The following ARID1B variants were observed in gnomAD, a reference collection of about 807,000 sequenced individuals.
The protein encoded by ARID1B is AT-rich interactive domain-containing protein 1B.
In ARID1B, 30 loss-of-function variants were observed where a neutral mutation model predicts 212.3. That is an observed-to-expected ratio of 0.14 (90% CI 0.11 to 0.19). The LOEUF (loss-of-function observed/expected upper bound fraction) is 0.19, where lower values mean the gene tolerates loss of function less well. ARID1B is among the 10% of genes least tolerant of loss of function. The probability of loss-of-function intolerance (pLI) is 1.00; values close to 1 mark genes in which losing one functional copy is unlikely to be tolerated. For synonymous variants in ARID1B, 1,402 were observed against 1,301.7 expected, an observed-to-expected ratio of 1.08 and a Z score of -1.66; for missense variants, 2,891 against 3,204.0, an observed-to-expected ratio of 0.90 and a Z score of 2.36.
At chr6:157,121,283 A>G (rs1787691085) in intron 6 of ARID1B, among the ~76,000 whole-genome samples, 1 of 152,202 alleles carries the variant, frequency 6.6e-6, no homozygotes, top group African/African-American at 2.4e-5. Context: ...CTTTGACAAC[A>G]TTGCCCTGTT....
chr6:157,122,846 C>T (rs1787832018), intron 6 of ARID1B, among the ~76,000 whole-genome samples: 1 of 151,964 alleles, frequency 6.6e-6, no homozygotes, highest in South Asian at 2.1e-4. Flanking sequence ...ACCCAGCTAA[C>T]TTTTTTGGTA....
chr6:156,796,183 T>C (rs1780361924), intron 1 of ARID1B, among the ~76,000 whole-genome samples: 1 of 152,226 alleles, frequency 6.6e-6, no homozygotes. Context: ...TGTTTCCTAT[T>C]TCATAATATT....
intron 19 of ARID1B, chr6:157,205,923 CTAA>C: frequency 2.0e-6 from 1 of 509,168 alleles, no homozygotes; most frequent in Non-Finnish European, 3.5e-6. Context: ...TGTAGATAGT[CTAA>C]GCAAGGAAGC....
chr6:156,939,614 A>C (rs1792513230), intron 4 of ARID1B: 1 of 152,148 alleles, frequency 6.6e-6, no homozygotes, highest in South Asian at 2.1e-4. Flanking sequence ...GTGGCATTGA[A>C]TGGCTCTCGG....
chr6:156,781,638 G>C (rs765528569), intron 1 of ARID1B, among the ~76,000 whole-genome samples: 1 of 152,072 alleles, frequency 6.6e-6, no homozygotes, highest in Non-Finnish European at 1.5e-5. Flanking sequence ...TTAGTTATTG[G>C]AGTTTTGCTT....
chr6:156,817,554 C>T (rs1160786385), intron 1 of ARID1B, among the ~76,000 whole-genome samples: 1 of 150,744 alleles, frequency 6.6e-6, no homozygotes, highest in East Asian at 2.0e-4. Context: ...GGGTTGAGCC[C>T]AGGAGTTTGA....
chr6:156,998,974 C>T (rs1778762476), intron 4 of ARID1B, among the ~76,000 whole-genome samples: 1 of 152,234 alleles, frequency 6.6e-6, no homozygotes, highest in Non-Finnish European at 1.5e-5. Flanking sequence ...ATCAGCAGAG[C>T]TACTGGAAGG....
At chr6:157,195,782 C>T (rs1408510096) in intron 15 of ARID1B, 5 of 226,518 alleles carry the variant, frequency 2.2e-5, no homozygotes, top group African/African-American at 9.5e-5. Context: ...AAGTACAGGC[C>T]AGGCGCAGTG....
chr6:156,825,957 T>G (rs1782709621), intron 1 of ARID1B, among the ~76,000 whole-genome samples: 1 of 152,270 alleles, frequency 6.6e-6, no homozygotes, highest in Admixed American at 6.5e-5. Flanking sequence ...GCCCTAGATT[T>G]TAGTTTTACT....
intron 3 of ARID1B, among the ~76,000 whole-genome samples, chr6:156,919,594 T>G (rs1048783843): frequency 6.6e-6 from 1 of 152,218 alleles, no homozygotes; most frequent in African/African-American, 2.4e-5. Flanking sequence ...CCAGTTTAAC[T>G]GAAATGTGGA....
In ARID1B at chr6:157,050,764, T is replaced by A. The variant is rs974388465; in HGVS notation, c.2248-33898T>A. 2.6e-5 allele frequency among the ~76,000 whole-genome samples: 4 copies of A among 152,346 alleles called. 1 individual carries two copies. The highest frequency in any genetic ancestry group is 9.6e-5 in the African/African-American group (4 of 41,570). On this transcript the variant is annotated intron_variant, in intron 4 of 19. Coordinates refer to ENST00000636930, the MANE Select transcript of ARID1B (RefSeq NM_001374828.1). Reference sequence around the variant, plus strand: ...TCATACTCATAAAATGACTTTTTTGTTTCCTGATCAACAGTGGAAAGGTTT... The same window carrying A: ...TCATACTCATAAAATGACTTTTTTGATTCCTGATCAACAGTGGAAAGGTTT...
chr6:157,061,853 A>G (rs1460160956), intron 4 of ARID1B, among the ~76,000 whole-genome samples: 1 of 152,202 alleles, frequency 6.6e-6, no homozygotes, highest in African/African-American at 2.4e-5. Flanking sequence ...TTTTTCAGAC[A>G]ACCCAATTAA....
chr6:157,121,629 C>CTTT (rs1389687982), intron 6 of ARID1B, among the ~76,000 whole-genome samples: 20,361 of 112,660 alleles, frequency 0.18, 2,987 homozygotes, highest in Non-Finnish European at 0.2. Context: ...TCATATATAG[C>CTTT]TTTTTTTTTT....
At chr6:157,198,956 G>T in intron 17 of ARID1B, 49 bp downstream of exon 17, 1 of 1,441,688 alleles carries the variant, frequency 6.9e-7, no homozygotes, top group Non-Finnish European at 9.4e-7. Context: ...GTTCTGTCCT[G>T]GAGGCTAAAA....
chr6:156,897,221 T>TCTG (rs1788510302), intron 2 of ARID1B, among the ~76,000 whole-genome samples: 3 of 78,826 alleles, frequency 3.8e-5, no homozygotes, highest in Admixed American at 3.8e-4. Context: ...TGCTGCTGCT[T>TCTG]CTTCTTCTTC....
At chr6:156,874,798 C>T (rs1425871378) in intron 2 of ARID1B, among the ~76,000 whole-genome samples, 2 of 152,212 alleles carry the variant, frequency 1.3e-5, no homozygotes, top group Non-Finnish European at 2.9e-5. Flanking sequence ...ATTCCATTCT[C>T]CTTCGTGGAG....
At chr6:156,814,333 C>A (rs993907317) in intron 1 of ARID1B, among the ~76,000 whole-genome samples, 6 of 152,028 alleles carry the variant, frequency 3.9e-5, no homozygotes, top group African/African-American at 1.4e-4. Flanking sequence ...GTGGGAGGAT[C>A]ACTTGAGCCG....
At chr6:157,021,349 G>T (rs1017671372) in intron 4 of ARID1B, among the ~76,000 whole-genome samples, 3 of 152,246 alleles carry the variant, frequency 2.0e-5, no homozygotes, top group Non-Finnish European at 4.4e-5. Context: ...AATCCCCCGG[G>T]AGTGGGACCA....
Position 156,901,368 on chromosome 6 carries a change from T to G in ARID1B, c.1987-8T>G, listed in dbSNP as rs1227622275. 6.2e-7 allele frequency: 1 copy of G among 1,614,098 alleles called. No homozygotes were observed. Among genetic ancestry groups the G allele is most frequent in the Non-Finnish European group, 8.5e-7 (1 of 1,180,048 alleles). ...CTTTCTCATTTGCTTTGCTTGACTTTTTGACAGATGCCACCTCAGTATGGA... is the reference window on the plus strand; with the variant it reads ...CTTTCTCATTTGCTTTGCTTGACTTGTTGACAGATGCCACCTCAGTATGGA... On this transcript the variant is annotated splice_polypyrimidine_tract_variant and splice_region_variant and intron_variant, in intron 2 of 19. Transcript: ENST00000636930.
Sources: allele counts gnomAD v4.1 joint callset (sites outside exome capture counted in the v4.1 genomes callset), GRCh38; gene constraint gnomAD v4.1.1; transcripts MANE v1.5; gene names NCBI Gene and HGNC (gene_info 2026-07-23, HGNC 2026-07-21).